The following HS6ST3 variants were observed in gnomAD, a reference collection of about 807,000 sequenced individuals.
HS6ST3 encodes heparan sulfate 6-O-sulfotransferase 3.
HS6ST3 carries 12 observed loss-of-function variants against 36.7 expected under a neutral mutation model. The observed-to-expected ratio is 0.33, with a 90% CI of 0.21 to 0.53. The LOEUF (loss-of-function observed/expected upper bound fraction) is 0.53, where lower values mean the gene tolerates loss of function less well. HS6ST3 is among the 20% of genes least tolerant of loss of function. The pLI is 0.95. For synonymous variants in HS6ST3, 240 were observed against 257.5 expected, an observed-to-expected ratio of 0.93 and a Z score of 0.65; for missense variants, 584 against 640.9, an observed-to-expected ratio of 0.91 and a Z score of 0.96.
In HS6ST3 at chr13:96,484,409, A is replaced by G. The variant is rs528492090; in HGVS notation, c.708-348081A>G. ...TTAGCAAATTTCAAGTATATAATGC[A>G]GTATTGTTAACTATATTCACTATGC... On this transcript the variant is annotated intron_variant, in intron 1 of 1. Coordinates refer to ENST00000376705, the MANE Select transcript of HS6ST3 (RefSeq NM_153456.4). Among the ~76,000 whole-genome samples, 11 of 152,272 alleles carry G rather than the reference A, an allele frequency of 7.2e-5. No individual in the cohort carries two copies. In the South Asian group the frequency reaches 2.3e-3, roughly 32 times the overall value.
chr13:96,415,072 T>G (rs1039830689), intron 1 of HS6ST3, among the ~76,000 whole-genome samples: 1 of 152,364 alleles, frequency 6.6e-6, no homozygotes, highest in Admixed American at 6.5e-5. Flanking sequence ...TAGGATATTT[T>G]ACACATAACT....
chr13:96,592,871 C>T (rs2056387641), intron 1 of HS6ST3, among the ~76,000 whole-genome samples: 1 of 152,046 alleles, frequency 6.6e-6, no homozygotes, highest in Non-Finnish European at 1.5e-5. Context: ...CTTTCTCTAT[C>T]CTTGACCTTT....
chr13:96,149,437 G>A (rs1319677698), intron 1 of HS6ST3, among the ~76,000 whole-genome samples: 1 of 151,806 alleles, frequency 6.6e-6, no homozygotes, highest in Non-Finnish European at 1.5e-5. Flanking sequence ...TTCCTGTTTT[G>A]AGAGAAAATG....
chr13:96,767,977 C>T (rs914625152), intron 1 of HS6ST3, among the ~76,000 whole-genome samples: 2 of 152,118 alleles, frequency 1.3e-5, no homozygotes, highest in Non-Finnish European at 2.9e-5. Flanking sequence ...CTTTGGAAGC[C>T]GTTATACTTT....
At chr13:96,585,221 G>T (rs1594812521) in intron 1 of HS6ST3, among the ~76,000 whole-genome samples, 1 of 151,920 alleles carries the variant, frequency 6.6e-6, no homozygotes, top group East Asian at 1.9e-4. Flanking sequence ...CTATTATAGA[G>T]GACTTTTTTC....
chr13:96,339,977 C>T (rs1280335433), intron 1 of HS6ST3, among the ~76,000 whole-genome samples: 1 of 152,202 alleles, frequency 6.6e-6, no homozygotes, highest in Non-Finnish European at 1.5e-5. Context: ...ACAGAGAGTC[C>T]TGACTTTTTT....
At chr13:96,596,971 G>T (rs2056403959) in intron 1 of HS6ST3, among the ~76,000 whole-genome samples, 1 of 151,834 alleles carries the variant, frequency 6.6e-6, no homozygotes, top group Non-Finnish European at 1.5e-5. Flanking sequence ...ATAAAATGTG[G>T]CATATGTAAA....
intron 1 of HS6ST3, among the ~76,000 whole-genome samples, chr13:96,507,662 A>C (rs2056031909): frequency 6.6e-6 from 1 of 152,012 alleles, no homozygotes; most frequent in Non-Finnish European, 1.5e-5. Context: ...TTATTTTATT[A>C]ATAATAATAA....
chr13:96,419,602 C>A (rs2055552957), intron 1 of HS6ST3, among the ~76,000 whole-genome samples: 1 of 152,138 alleles, frequency 6.6e-6, no homozygotes, highest in South Asian at 2.1e-4. Context: ...AACTGGGTGG[C>A]CTAAAACAAC....
At chr13:96,412,862 T>G (rs959410476) in intron 1 of HS6ST3, among the ~76,000 whole-genome samples, 1 of 150,164 alleles carries the variant, frequency 6.7e-6, no homozygotes, top group African/African-American at 2.4e-5. Flanking sequence ...TATTTATATA[T>G]AAAAACATAT....
At chr13:96,661,859 G>A (rs2139019713) in intron 1 of HS6ST3, among the ~76,000 whole-genome samples, 1 of 152,210 alleles carries the variant, frequency 6.6e-6, no homozygotes, top group Non-Finnish European at 1.5e-5. Context: ...TTGAAGCTTA[G>A]TTTAGCAGGA....
chr13:96,571,320 G>A (rs561423955), intron 1 of HS6ST3, among the ~76,000 whole-genome samples: 5 of 152,206 alleles, frequency 3.3e-5, no homozygotes, highest in South Asian at 2.1e-4. Flanking sequence ...GTTTTTCGTC[G>A]TATAGAAAGG....
At chr13:96,735,907 A>G (rs1377111177) in intron 1 of HS6ST3, among the ~76,000 whole-genome samples, 2 of 152,174 alleles carry the variant, frequency 1.3e-5, no homozygotes, top group Non-Finnish European at 2.9e-5. Context: ...ATGAGATCAC[A>G]TCCTTTGCAG....
intron 1 of HS6ST3, among the ~76,000 whole-genome samples, chr13:96,196,330 G>A (rs1566284159): frequency 6.6e-6 from 1 of 152,078 alleles, no homozygotes; most frequent in African/African-American, 2.4e-5. Context: ...TACTTGGATT[G>A]TAACCCATGT....
chr13:96,199,679 C>T lies in HS6ST3; in HGVS notation c.707+108110C>T, dbSNP rs569971704. ...CTAGACTATTATTCTAAGACAAAGC[C>T]GAGGCTCTGGCAAATTGTAACATAC... On this transcript the variant is annotated intron_variant, in intron 1 of 1. Coordinates refer to ENST00000376705, the MANE Select transcript of HS6ST3 (RefSeq NM_153456.4). Among the ~76,000 whole-genome samples, 9 of 152,146 alleles carry T rather than the reference C, an allele frequency of 5.9e-5. No individual in the cohort carries two copies. In the South Asian group the frequency reaches 1.2e-3, roughly 21 times the overall value.
In HS6ST3 at chr13:96,484,810, G is replaced by A. The variant is rs552008051; in HGVS notation, c.708-347680G>A. 6.0e-4 allele frequency among the ~76,000 whole-genome samples: 91 copies of A among 152,228 alleles called. 1 individual carries two copies. In the South Asian group the frequency reaches 0.018, roughly 30 times the overall value. On this transcript the variant is annotated intron_variant, in intron 1 of 1. Coordinates refer to ENST00000376705, the MANE Select transcript of HS6ST3 (RefSeq NM_153456.4). ...TGTAAATAATGCTGCAATGAACATG[G>A]GAGTGCAGATATCTCTACCATACTG...
intron 1 of HS6ST3, among the ~76,000 whole-genome samples, chr13:96,735,427 T>A (rs1405309517): frequency 6.6e-6 from 1 of 152,214 alleles, no homozygotes; most frequent in Non-Finnish European, 1.5e-5. Context: ...GTTACCTATA[T>A]ATTTTATCAA....
At chr13:96,640,417 G>A (rs987823072) in intron 1 of HS6ST3, among the ~76,000 whole-genome samples, 6 of 151,672 alleles carry the variant, frequency 4.0e-5, no homozygotes, top group African/African-American at 1.5e-4. Flanking sequence ...GAATTATTTG[G>A]TTTTTGCTTG....
Position 96,384,517 on chromosome 13 carries a change from G to A in HS6ST3, c.707+292948G>A, listed in dbSNP as rs566231078. ...TTTCTATTGCTAATAAGTGTCCATTGCTGTGGCTGTGGGTGGAAATGTTCC... is the reference window on the plus strand; with the variant it reads ...TTTCTATTGCTAATAAGTGTCCATTACTGTGGCTGTGGGTGGAAATGTTCC... On this transcript the variant is annotated intron_variant, in intron 1 of 1. Coordinates refer to ENST00000376705, the MANE Select transcript of HS6ST3 (RefSeq NM_153456.4). Among the ~76,000 whole-genome samples the A allele has an allele frequency of 8.6e-4, 131 of 152,180 alleles. 1 individual carries two copies. The highest frequency in any genetic ancestry group is 6.0e-4 in the Non-Finnish European group (41 of 68,006).
Sources: allele counts gnomAD v4.1 joint callset (sites outside exome capture counted in the v4.1 genomes callset), GRCh38; gene constraint gnomAD v4.1.1; transcripts MANE v1.5; gene names NCBI Gene and HGNC (gene_info 2026-07-23, HGNC 2026-07-21).